Variants in VPS9D1 observed in about 807,000 individuals in gnomAD.
The protein encoded by VPS9D1 is VPS9 domain-containing protein 1.
In VPS9D1, 78 loss-of-function variants were observed where a neutral mutation model predicts 75.8. That is an observed-to-expected ratio of 1.03 (90% CI 0.86 to 1.24). VPS9D1 has a LOEUF of 1.24. VPS9D1 is among the 50% of genes most tolerant of loss of function. The probability of loss-of-function intolerance (pLI) is 0.00; values close to 1 mark genes in which losing one functional copy is unlikely to be tolerated. For missense variants in VPS9D1, 1,057 were observed against 847.7 expected (o/e 1.25, Z -3.07); for synonymous variants, 481 against 385.6 (o/e 1.25, Z -2.90).
At chr16:89,713,500 C>T (rs1240520357) in intron 4 of VPS9D1, among the ~76,000 whole-genome samples, 4 of 151,860 alleles carry the variant, frequency 2.6e-5, no homozygotes, top group South Asian at 2.1e-4. Context: ...GTGATCCACC[C>T]GCCTCGGCCT....
intron 14 of VPS9D1, 65 bp downstream of exon 14, chr16:89,708,362 T>TA: frequency 2.0e-6 from 3 of 1,472,486 alleles, no homozygotes; most frequent in Non-Finnish European, 2.8e-6. Context: ...AACCACCGTT[T>TA]AGGTTGAGGG....
intron 4 of VPS9D1, 195 bp from the exon 5 acceptor site, chr16:89,712,911 C>T (rs537250898): frequency 4.2e-5 from 21 of 504,580 alleles, no homozygotes; most frequent in Non-Finnish European, 6.9e-5. Context: ...TGGCCAGGTG[C>T]AGTGGCTCCC....
At chr16:89,711,205 G>T in intron 9 of VPS9D1, 122 bp downstream of exon 9, 1 of 1,229,028 alleles carries the variant, frequency 8.1e-7, no homozygotes, top group Non-Finnish European at 1.1e-6. Flanking sequence ...GGGAGCTGCA[G>T]TGTCCACGTG....
intron 10 of VPS9D1, 112 bp downstream of exon 10, chr16:89,710,474 G>C: frequency 8.3e-7 from 1 of 1,208,106 alleles, no homozygotes; most frequent in South Asian, 1.6e-5. Flanking sequence ...GTGGATGTAA[G>C]TCTGATCAGA....
intron 10 of VPS9D1, 68 bp downstream of exon 10, chr16:89,710,518 G>C: frequency 6.7e-7 from 1 of 1,498,228 alleles, no homozygotes; most frequent in Non-Finnish European, 9.0e-7. Flanking sequence ...CCAAACAGAA[G>C]CTTGAAACGG....
chr16:89,712,737 T>C, intron 4 of VPS9D1, 21 bp from the exon 5 acceptor site: 1 of 1,434,254 alleles, frequency 7.0e-7, no homozygotes, highest in Non-Finnish European at 9.5e-7. Flanking sequence ...GACAAGCTGC[T>C]GTCTAGACCC....
chr16:89,708,868 A>G lies in VPS9D1; in HGVS notation c.1686T>C (p.Ala562=). 1 of 1,581,642 alleles carries G rather than the reference A, an allele frequency of 6.3e-7. No individual in the cohort carries two copies. The highest frequency in any genetic ancestry group is 2.0e-5 in the Admixed American group (1 of 49,802). ...CTCCTGGGACTCACATGGCAGCTGC[A>G]GCGATGGGCGGGGGCCCGGCCTGGG... ...ATPQAGPPPI[A]AAAIGADDLL... is the part of the protein sequence containing the mutation. Residue 562 remains alanine (A), a synonymous_variant, in exon 13 of 15, where the codon GCT becomes GCC. Transcript: ENST00000389386.
At chr16:89,712,759 G>A (rs372293414) in intron 4 of VPS9D1, 43 bp from the exon 5 acceptor site, 1 of 1,478,460 alleles carries the variant, frequency 6.8e-7, no homozygotes, top group Non-Finnish European at 9.1e-7. Flanking sequence ...AGGAAGCCCA[G>A]TGGTGTCTGG....
chr16:89,709,572 C>A, intron 11 of VPS9D1, 137 bp from the exon 12 acceptor site: 1 of 1,277,398 alleles, frequency 7.8e-7, no homozygotes, highest in Non-Finnish European at 1.0e-6. Flanking sequence ...TGCCAAGACC[C>A]CAGGCACGGG....
At chr16:89,712,848 G>T in intron 4 of VPS9D1, 132 bp from the exon 5 acceptor site, 1 of 778,384 alleles carries the variant, frequency 1.3e-6, no homozygotes, top group Non-Finnish European at 1.9e-6. Flanking sequence ...GAGCCATCTG[G>T]GGTGGGCTGC....
intron 4 of VPS9D1, among the ~76,000 whole-genome samples, chr16:89,713,501 G>A (rs1311852152): frequency 1.3e-5 from 2 of 151,590 alleles, no homozygotes; most frequent in Non-Finnish European, 2.9e-5. Flanking sequence ...TGATCCACCC[G>A]CCTCGGCCTC....
rs573752822 is a variant in VPS9D1, at chr16:89,720,662, C to G, written c.99+101G>C. 9.5e-5 allele frequency: 118 copies of G among 1,241,018 alleles called. No homozygotes were observed. In the African/African-American group the frequency reaches 1.8e-3, roughly 19 times the overall value. The allele number at this position is 1,241,018 out of a possible 1,614,324, so 76.9% of individuals were successfully genotyped here. The stretch of plus-strand genomic sequence containing the variant: ...CGGGATCCCGGCTGGCGCCCGCTCC[C>G]AAGTCTCCAGCCCGAGCCGGCCCCG... On this transcript the variant is annotated intron_variant, in intron 1 of 14. Transcript: ENST00000389386.
chr16:89,720,565 G>C, intron 1 of VPS9D1, 198 bp downstream of exon 1: 1 of 1,187,744 alleles, frequency 8.4e-7, no homozygotes. Flanking sequence ...AAGGTCCGCA[G>C]GATCTGAGCT....
intron 1 of VPS9D1, among the ~76,000 whole-genome samples, chr16:89,719,606 C>A (rs2061188913): frequency 6.6e-6 from 1 of 152,216 alleles, no homozygotes; most frequent in Admixed American, 6.5e-5. Flanking sequence ...AAATCCCTTT[C>A]CCAGAACCTG....
chr16:89,709,987 C>G, intron 10 of VPS9D1, 81 bp from the exon 11 acceptor site: 1 of 1,513,238 alleles, frequency 6.6e-7, no homozygotes. Flanking sequence ...GGGCCTTTCT[C>G]CGCCCAAGAA....
At chr16:89,711,495 T>A in intron 8 of VPS9D1, 83 bp from the exon 9 acceptor site, 1 of 1,347,976 alleles carries the variant, frequency 7.4e-7, no homozygotes, top group African/African-American at 1.5e-5. Context: ...TGCCGACCCC[T>A]AGAGACTGTG....
At chr16:89,711,737 G>A in intron 8 of VPS9D1, 145 bp downstream of exon 8, 2 of 1,021,170 alleles carry the variant, frequency 2.0e-6, no homozygotes, top group South Asian at 1.7e-5. Context: ...CCCTCACCGG[G>A]CCCTCCCACG....
At chr16:89,709,496 G>T in intron 11 of VPS9D1, 61 bp from the exon 12 acceptor site, 1 of 1,464,152 alleles carries the variant, frequency 6.8e-7, no homozygotes, top group East Asian at 2.4e-5. Flanking sequence ...GACAGAAGCA[G>T]GGCTGTGGCT....
intron 8 of VPS9D1, 195 bp downstream of exon 8, chr16:89,711,687 C>G: frequency 1.3e-6 from 1 of 745,622 alleles, no homozygotes; most frequent in Non-Finnish European, 2.1e-6. Flanking sequence ...CTGACCTCGC[C>G]TCCTCGCTCT....
Sources: allele counts gnomAD v4.1 joint callset (sites outside exome capture counted in the v4.1 genomes callset), GRCh38; gene constraint gnomAD v4.1.1; transcripts MANE v1.5; gene names NCBI Gene and HGNC (gene_info 2026-07-23, HGNC 2026-07-21).